The following SFMBT1 variants were observed in gnomAD, a reference collection of about 807,000 sequenced individuals.
SFMBT1 encodes the protein scm-like with four MBT domains protein 1.
In SFMBT1, 32 loss-of-function variants were observed where a neutral mutation model predicts 108.7. The ratio of observed to expected loss-of-function variants is 0.29; its 90% CI spans 0.22 to 0.40. SFMBT1 has a LOEUF of 0.40. Among genes scored for constraint, SFMBT1 ranks in the 10% least tolerant of loss-of-function variants. The pLI is 1.00. For missense variants in SFMBT1, 816 were observed against 1,059.6 expected, an observed-to-expected ratio of 0.77 and a Z score of 3.19; for synonymous variants, 348 against 369.5, an observed-to-expected ratio of 0.94 and a Z score of 0.67.
Position 53,002,414 on chromosome 3 carries a change from A to AG in SFMBT1, c.-130-33157_-130-33156insC, listed in dbSNP as rs1210554072. 4.0e-5 allele frequency among the ~76,000 whole-genome samples: 6 copies of AG among 148,612 alleles called. 2 individuals are homozygous for AG. Among genetic ancestry groups the AG allele is most frequent in the Non-Finnish European group, 9.0e-5 (6 of 66,360 alleles). Reference sequence around the variant, plus strand: ...ACTCCGTCTCAATAAAAAAAAAAAAAAAAAAAGAAATCACCCAGCCCAGTA... The same window carrying AG: ...ACTCCGTCTCAATAAAAAAAAAAAAAGAAAAAAGAAATCACCCAGCCCAGTA... On this transcript the variant is annotated intron_variant, in intron 1 of 20. Coordinates refer to ENST00000394752, the MANE Select transcript of SFMBT1 (RefSeq NM_016329.4).
At chr3:53,028,903 TAGCTCATGCCTATAATCCC>T (rs1241301682) in intron 1 of SFMBT1, among the ~76,000 whole-genome samples, 1 of 152,070 alleles carries the variant, frequency 6.6e-6, no homozygotes, top group Non-Finnish European at 1.5e-5. Flanking sequence ...CCGGGCGCGG[TAGCTCATGCCTATAATCCC>T]AGCACTTTGG....
intron 1 of SFMBT1, among the ~76,000 whole-genome samples, chr3:53,040,968 ATTTTTTTTTTTTTTTTTT>A (rs57640588): frequency 0.013 from 592 of 46,440 alleles, 12 homozygotes; most frequent in African/African-American, 0.041. Context: ...AGACACCTGA[ATTTTTTTTTTTTTTTTTT>A]TTTTTTTTTT....
intron 3 of SFMBT1, among the ~76,000 whole-genome samples, chr3:52,945,810 C>CAAAAAAAAAAA (rs200165393): frequency 1.8e-5 from 2 of 111,890 alleles, no homozygotes; most frequent in Non-Finnish European, 3.6e-5. Context: ...GACTCCATCT[C>CAAAAAAAAAAA]AAAAAAAAAA....
chr3:52,965,239 G>C (rs1357427379), intron 2 of SFMBT1, among the ~76,000 whole-genome samples: 1 of 151,084 alleles, frequency 6.6e-6, no homozygotes, highest in East Asian at 1.9e-4. Context: ...AAGTTCAACA[G>C]CAGAATGAAG....
At position 52,943,479 on chromosome 3, in the gene SFMBT1, G is replaced by A. The variant is rs759615112; in HGVS notation, c.238C>T (p.Leu80Phe). ...ATVITTCEQL[L>F]LLRYDGYGED... is the part of the protein sequence containing the mutation. Reference sequence around the variant, plus strand: ...CCATAGCCATCATAGCGGAGAAGGAGCAACTGCTCACAGGTAGTGATAACG... The same window carrying A: ...CCATAGCCATCATAGCGGAGAAGGAACAACTGCTCACAGGTAGTGATAACG... Residue 80 changes from leucine to phenylalanine, a missense_variant, in exon 4 of 21, where the codon CTC (leucine) becomes TTC (phenylalanine). This residue lies in a region of SFMBT1 where 495 missense variants were observed against 607.4 expected (regional missense o/e 0.81). Coordinates refer to ENST00000394752, the MANE Select transcript of SFMBT1 (RefSeq NM_016329.4). 1 of 1,614,170 alleles carries A rather than the reference G, an allele frequency of 6.2e-7. No individual in the cohort carries two copies. The highest frequency in any genetic ancestry group is 8.5e-7 in the Non-Finnish European group (1 of 1,180,024).
In SFMBT1 at chr3:52,930,322, AT is replaced by A; in HGVS notation, c.897+6del. ...GATTCTTACCAAGAGAGTTATCTCC[AT>A]TTTACCTTAACAACTGTAGCAGGAG... On this transcript the variant is annotated splice_donor_region_variant and intron_variant, in intron 8 of 20. Coordinates refer to ENST00000394752, the MANE Select transcript of SFMBT1 (RefSeq NM_016329.4). 6.5e-7 allele frequency: 1 copy of A among 1,548,202 alleles called. No individual in the cohort carries two copies. The highest frequency in any genetic ancestry group is 8.9e-7 in the Non-Finnish European group (1 of 1,119,970).
intron 1 of SFMBT1, among the ~76,000 whole-genome samples, chr3:52,978,622 A>G (rs1344217408): frequency 1.3e-5 from 2 of 152,224 alleles, no homozygotes; most frequent in Non-Finnish European, 2.9e-5. Context: ...ATATATACCC[A>G]AGACATTTGA....
chr3:52,957,432 T>C (rs1467773225), intron 2 of SFMBT1, among the ~76,000 whole-genome samples: 2 of 152,172 alleles, frequency 1.3e-5, no homozygotes, highest in African/African-American at 4.8e-5. Flanking sequence ...ACTATTCCCA[T>C]TAAACTACCA....
chr3:52,927,842 G>A (rs894776792), intron 9 of SFMBT1, among the ~76,000 whole-genome samples: 3 of 152,080 alleles, frequency 2.0e-5, no homozygotes, highest in Admixed American at 6.5e-5. Context: ...AGTGCTTGCT[G>A]TGCATCCAAG....
intron 1 of SFMBT1, chr3:53,044,863 C>T (rs1403882918): frequency 6.6e-6 from 1 of 152,406 alleles, no homozygotes; most frequent in Non-Finnish European, 1.5e-5. Flanking sequence ...AGCACAAGCT[C>T]TGGGGGTGAC....
intron 2 of SFMBT1, among the ~76,000 whole-genome samples, chr3:52,961,110 G>A (rs1046284676): frequency 1.3e-5 from 2 of 152,152 alleles, no homozygotes; most frequent in African/African-American, 4.8e-5. Context: ...TCCAGCCTGG[G>A]CTGTTAGAGA....
At chr3:52,907,846 G>C (rs1702111821) in intron 17 of SFMBT1, 113 bp from the exon 18 acceptor site, 1 of 975,242 alleles carries the variant, frequency 1.0e-6, no homozygotes, top group Non-Finnish European at 1.5e-6. Flanking sequence ...TTTGATTGGG[G>C]TTTAAATTCC....
In SFMBT1 at chr3:52,921,748, G is replaced by A. The variant is rs768923411; in HGVS notation, c.1215C>T (p.Thr405=). 1 of 1,613,948 alleles carries A rather than the reference G, an allele frequency of 6.2e-7. No homozygotes were observed. Among genetic ancestry groups the A allele is most frequent in the Non-Finnish European group, 8.5e-7 (1 of 1,180,004 alleles). Residue 405 remains threonine, a synonymous_variant, in exon 11 of 21, where the codon ACC becomes ACT. Coordinates refer to ENST00000394752, the MANE Select transcript of SFMBT1 (RefSeq NM_016329.4). Reference sequence around the variant, plus strand: ...GGTAGGAGCCTCTCACTGCAGTGATGGTAGCAACACACACTTCTTCAGGGA... The same window carrying A: ...GGTAGGAGCCTCTCACTGCAGTGATAGTAGCAACACACACTTCTTCAGGGA... The part of the protein sequence containing the change: ...PILPEEVCVA[T]ITAVRGSYLW...
intron 13 of SFMBT1, among the ~76,000 whole-genome samples, chr3:52,916,702 C>CAAA (rs1207282303): frequency 8.0e-5 from 12 of 150,526 alleles, no homozygotes; most frequent in Non-Finnish European, 1.2e-4. Context: ...ACAACAACAA[C>CAAA]AACAAAAAAC....
chr3:52,976,084 C>T (rs935841737), intron 1 of SFMBT1, among the ~76,000 whole-genome samples: 1 of 152,030 alleles, frequency 6.6e-6, no homozygotes, highest in Non-Finnish European at 1.5e-5. Flanking sequence ...TTTTGTAAAA[C>T]ATGACACAAG....
At chr3:52,931,925 A>G (rs1702871553) in intron 6 of SFMBT1, 137 bp downstream of exon 6, 1 of 994,244 alleles carries the variant, frequency 1.0e-6, no homozygotes, top group Non-Finnish European at 1.4e-6. Context: ...AACTCCATAT[A>G]AACTGTTTTG....
chr3:53,021,985 C>T (rs1302723586), intron 1 of SFMBT1, among the ~76,000 whole-genome samples: 7 of 152,132 alleles, frequency 4.6e-5, no homozygotes. Flanking sequence ...GCCAGCAACC[C>T]CACCCAATAA....
At chr3:53,032,361 C>A (rs562039251) in intron 1 of SFMBT1, among the ~76,000 whole-genome samples, 2 of 152,232 alleles carry the variant, frequency 1.3e-5, no homozygotes, top group South Asian at 2.1e-4. Context: ...CAGAGCGAGA[C>A]CCTGTCTCAG....
intron 1 of SFMBT1, among the ~76,000 whole-genome samples, chr3:52,970,035 G>A (rs1357095391): frequency 1.3e-5 from 2 of 151,786 alleles, no homozygotes; most frequent in African/African-American, 2.4e-5. Context: ...TCTGGGGGAC[G>A]GAGGTTGCAG....
Sources: allele counts gnomAD v4.1 joint callset (sites outside exome capture counted in the v4.1 genomes callset), GRCh38; gene constraint gnomAD v4.1.1; regional missense constraint gnomAD v4.1.1; transcripts MANE v1.5; gene names NCBI Gene and HGNC (gene_info 2026-07-23, HGNC 2026-07-21).